The following FHAD1 variants were observed in gnomAD, a reference collection of about 807,000 sequenced individuals.
FHAD1 encodes the protein forkhead associated phosphopeptide binding domain 1.
Under a neutral mutation model 191.3 loss-of-function variants are expected in FHAD1, and 146 were observed. That is an observed-to-expected ratio of 0.76 (90% CI 0.67 to 0.88). The LOEUF is 0.88. Ranked by LOEUF, FHAD1 falls within the 40% of genes least tolerant of loss-of-function variation. The pLI, the probability that FHAD1 is intolerant of heterozygous loss-of-function variation, is 0.00. For synonymous variants in FHAD1, 616 were observed against 672.3 expected, an observed-to-expected ratio of 0.92 and a Z score of 1.29; for missense variants, 1,635 against 1,785.8, an observed-to-expected ratio of 0.92 and a Z score of 1.52.
At chr1:15,319,478 T>C (rs376659946) in intron 10 of FHAD1, among the ~76,000 whole-genome samples, 20 of 152,160 alleles carry the variant, frequency 1.3e-4, no homozygotes, top group Non-Finnish European at 1.2e-4. Flanking sequence ...CAAATATTCT[T>C]GTCCAGGTGC....
intron 6 of FHAD1, among the ~76,000 whole-genome samples, chr1:15,306,643 G>A (rs1294423828): frequency 1.3e-5 from 2 of 152,216 alleles, no homozygotes; most frequent in Admixed American, 6.5e-5. Context: ...GGCTAAAAGG[G>A]GCCAACATAG....
rs60518389 is a variant in FHAD1 at position 15,353,704 on chromosome 1, C to CAA, written c.2562+741_2562+742dup. Among the ~76,000 whole-genome samples the CAA allele has an allele frequency of 6.8e-3, 410 of 60,614 alleles. 6 individuals carry two copies. The highest frequency in any genetic ancestry group is 0.03 in the Middle Eastern group (2 of 66). The allele number at this position is 60,614 out of a possible 152,430, so 39.8% of individuals were successfully genotyped here. A position where few individuals can be genotyped will look rare whatever the true frequency, so the allele number is the denominator to read the frequency against. On this transcript the variant is annotated intron_variant, in intron 20 of 33. Coordinates refer to ENST00000688493, the MANE Select transcript of FHAD1 (RefSeq NM_001391957.1). ...TGGGTGACAGAGCAAGACTCCATCT[C>CAA]AAAAAAAAAAAAAAAAAAAAAAGAA... is the stretch of plus-strand genomic sequence containing the variant.
At position 15,380,707 on chromosome 1, in the gene FHAD1, A is replaced by G. The variant is rs1700706141; in HGVS notation, c.3712A>G (p.Asn1238Asp). Residue 1238 changes from asparagine to aspartate, a missense_variant, in exon 29 of 34, where the codon AAT becomes GAT. Physicochemically the swap from Asn to Asp is conservative, Grantham distance 23. Transcript: ENST00000688493. ...CATTTCTTTCTGATTTCAGCCTCAG[A>G]ATGGCCTTTGCAACGCAAGGTTCGG... is the stretch of plus-strand genomic sequence containing the variant. ...LSRIEILAPQ[N>D]GLCNARFGSA... 1.3e-6 allele frequency: 2 copies of G among 1,551,480 alleles called. No individual in the cohort carries two copies. The highest frequency in any genetic ancestry group is 2.7e-5 in the African/African-American group (2 of 73,038).
chr1:15,272,004 C>T (rs1170253623), intron 2 of FHAD1, among the ~76,000 whole-genome samples: 2 of 151,974 alleles, frequency 1.3e-5, no homozygotes, highest in East Asian at 3.9e-4. Context: ...TGGCCAATTC[C>T]CTGGTCCCAT....
intron 3 of FHAD1, among the ~76,000 whole-genome samples, chr1:15,274,304 G>A (rs1016915603): frequency 6.6e-6 from 1 of 152,134 alleles, no homozygotes; most frequent in Non-Finnish European, 1.5e-5. Flanking sequence ...GCAAAAGAAT[G>A]TATTATAAAA....
intron 3 of FHAD1, among the ~76,000 whole-genome samples, chr1:15,274,378 C>A (rs1282074656): frequency 6.6e-6 from 1 of 152,044 alleles, no homozygotes; most frequent in Admixed American, 6.6e-5. Flanking sequence ...GAGGCCGAGC[C>A]GGGCAGATTG....
chr1:15,280,114 G>T (rs532793510), intron 3 of FHAD1, among the ~76,000 whole-genome samples: 37 of 152,168 alleles, frequency 2.4e-4, no homozygotes, highest in Non-Finnish European at 4.9e-4. Context: ...CCCAGGGAAG[G>T]TGGCAGTTCC....
At chr1:15,246,056 G>A (rs1488055062), upstream of FHAD1, among the ~76,000 whole-genome samples, 1 of 152,208 alleles carries the variant, frequency 6.6e-6, no homozygotes. Context: ...GTTCTGCACT[G>A]CTAGGGAGGC....
chr1:15,274,655 G>A (rs546069083), intron 3 of FHAD1, among the ~76,000 whole-genome samples: 120 of 152,054 alleles, frequency 7.9e-4, no homozygotes, highest in African/African-American at 2.8e-3. Context: ...TTTATATTTT[G>A]TTAGTGAATG....
chr1:15,376,342 G>C (rs540971840), intron 28 of FHAD1, among the ~76,000 whole-genome samples: 1 of 152,082 alleles, frequency 6.6e-6, no homozygotes, highest in African/African-American at 2.4e-5. Flanking sequence ...CGCCCGCCTC[G>C]GCCTCCCAAA....
intron 2 of FHAD1, among the ~76,000 whole-genome samples, chr1:15,252,513 T>G (rs1173468592): frequency 6.6e-6 from 1 of 152,184 alleles, no homozygotes; most frequent in Non-Finnish European, 1.5e-5. Context: ...GCTTTCACCC[T>G]GTCCCTATTT....
chr1:15,392,622 A>G (rs894600450), intron 33 of FHAD1, among the ~76,000 whole-genome samples: 2 of 152,064 alleles, frequency 1.3e-5, no homozygotes, highest in African/African-American at 4.8e-5. Context: ...AAGGTGATGG[A>G]GTCATCATGA....
chr1:15,301,762 TCA>T lies in FHAD1; in HGVS notation c.915+325_915+326del, dbSNP rs551698825. Among the ~76,000 whole-genome samples, 27 of 152,294 alleles carry T rather than the reference TCA, an allele frequency of 1.8e-4. No homozygotes were observed. The South Asian group carries it at 5.6e-3, about 32-fold the overall frequency. On this transcript the variant is annotated intron_variant, in intron 6 of 33. Coordinates refer to ENST00000688493, the MANE Select transcript of FHAD1 (RefSeq NM_001391957.1). ...GCAGGCCCAGGCCGGGCGCTGTGGC[TCA>T]CACCTGTAATCTGGCACTTTGGGAG... is the stretch of plus-strand genomic sequence containing the variant.
intron 2 of FHAD1, among the ~76,000 whole-genome samples, chr1:15,256,684 T>C (rs1648298497): frequency 6.9e-6 from 1 of 145,360 alleles, no homozygotes; most frequent in Non-Finnish European, 1.5e-5. Flanking sequence ...AGTGGAGAGC[T>C]GATCTCCTCC....
intron 4 of FHAD1, among the ~76,000 whole-genome samples, chr1:15,294,741 C>T (rs370271570): frequency 1.3e-5 from 2 of 152,224 alleles, no homozygotes; most frequent in African/African-American, 4.8e-5. Flanking sequence ...CTTCTACCCA[C>T]TCGATGCTCT....
chr1:15,240,660 A>C (rs1248988974), intron 1 of FHAD1, among the ~76,000 whole-genome samples: 1 of 151,292 alleles, frequency 6.6e-6, no homozygotes, highest in Non-Finnish European at 1.5e-5. Flanking sequence ...AAGAAAAAGA[A>C]AAAAGAAAGC....
intron 24 of FHAD1, among the ~76,000 whole-genome samples, chr1:15,367,221 G>A (rs146371485): frequency 5.3e-4 from 80 of 152,238 alleles, no homozygotes; most frequent in African/African-American, 1.8e-3. Flanking sequence ...GATGCTAATA[G>A]TAGCTACCTT....
chr1:15,251,945 T>A, intron 2 of FHAD1, 68 bp downstream of exon 2: 1 of 1,300,140 alleles, frequency 7.7e-7, no homozygotes, highest in South Asian at 1.4e-5. Flanking sequence ...TAACAGTCCT[T>A]AGCGTTATGT....
rs142159799 is a variant in FHAD1, at chr1:15,261,459, C to T, written c.93+9582C>T. Reference sequence around the variant, plus strand: ...TTGCTGTCTCAGCTCAAGGTTCTTTCGAGCCGTCAGTGCACCGAGGGGAAC... The same window carrying T: ...TTGCTGTCTCAGCTCAAGGTTCTTTTGAGCCGTCAGTGCACCGAGGGGAAC... On this transcript the variant is annotated intron_variant, in intron 2 of 33. Transcript: ENST00000688493. 2.8e-3 allele frequency among the ~76,000 whole-genome samples: 424 copies of T among 152,262 alleles called. 3 individuals carry two copies. Among genetic ancestry groups the T allele is most frequent in the African/African-American group, 9.7e-3 (403 of 41,542 alleles).
Sources: allele counts gnomAD v4.1 joint callset (sites outside exome capture counted in the v4.1 genomes callset), GRCh38; gene constraint gnomAD v4.1.1; transcripts MANE v1.5; gene names NCBI Gene and HGNC (gene_info 2026-07-23, HGNC 2026-07-21).